SYNPO2: variants seen among roughly 807,000 people sequenced by gnomAD.
SYNPO2 encodes synaptopodin-2.
Under a neutral mutation model 85.0 loss-of-function variants are expected in SYNPO2, and 56 were observed. The ratio of observed to expected loss-of-function variants is 0.66; its 90% CI spans 0.53 to 0.82. SYNPO2 has a LOEUF of 0.82. Among genes scored for constraint, SYNPO2 ranks in the 40% least tolerant of loss-of-function variants. The pLI, the probability that SYNPO2 is intolerant of heterozygous loss-of-function variation, is 0.00. For missense variants in SYNPO2, 1,575 were observed against 1,534.2 expected (o/e 1.03, Z -0.44); for synonymous variants, 602 against 591.1 (o/e 1.02, Z -0.27).
chr4:119,008,001 C>T (rs1174868960), intron 1 of SYNPO2, among the ~76,000 whole-genome samples: 1 of 152,104 alleles, frequency 6.6e-6, no homozygotes, highest in Non-Finnish European at 1.5e-5. Context: ...GGAATACAGA[C>T]AAATAAATGA....
At chr4:118,858,370 C>T (rs114165587) in intron 1 of SYNPO2, among the ~76,000 whole-genome samples, 6,269 of 152,272 alleles carry the variant, frequency 0.041, 199 homozygotes, top group Non-Finnish European at 0.064. Flanking sequence ...ACTTTCAACA[C>T]TTTAATGCAT....
Position 119,026,829 on chromosome 4 carries a change from G to T in SYNPO2, c.460G>T (p.Gly154Cys), listed in dbSNP as rs1171497346. The stretch of plus-strand genomic sequence containing the variant: ...CCAAAGAAGTGGTCCCGACTGTGCA[G>T]GCAGCTTGAAAGAAGAAACAGGCCC... ...ENQRSGPDCA[G>C]SLKEETGPSY... Residue 154 changes from glycine (G) to cysteine (C), a missense_variant, in exon 3 of 5, where the codon GGC (glycine) becomes TGC (cysteine). By Grantham distance (159) the Gly-to-Cys change is radical. Around this residue, in one of 3 missense-constraint regions of SYNPO2, gnomAD observed 1,508 missense variants for 1,446.8 expected, o/e 1.04. Coordinates refer to ENST00000307142, the MANE Select transcript of SYNPO2 (RefSeq NM_133477.3). 2.5e-6 allele frequency: 4 copies of T among 1,613,946 alleles called. No homozygotes were observed. The highest frequency in any genetic ancestry group is 3.4e-6 in the Non-Finnish European group (4 of 1,179,988).
At chr4:118,990,146 T>C (rs1253814789) in intron 1 of SYNPO2, among the ~76,000 whole-genome samples, 1 of 152,196 alleles carries the variant, frequency 6.6e-6, no homozygotes, top group Non-Finnish European at 1.5e-5. Flanking sequence ...TTTTTTAGCC[T>C]GTTTTCTCCT....
In SYNPO2 at chr4:119,031,490, A is replaced by G. The variant is rs1454542924; in HGVS notation, c.2715A>G (p.Pro905=). The G allele has an allele frequency of 6.8e-6, 11 of 1,614,084 alleles. No individual in the cohort carries two copies. The highest frequency in any genetic ancestry group is 9.3e-6 in the Non-Finnish European group (11 of 1,180,004). ...CTGCTCGAGCTCAGTCTCCCACTCC[A>G]TCTCTCCCGGCCAGTTGGAAGTACT... ...AHAARAQSPT[P]SLPASWKYSS... Residue 905 remains proline, a synonymous_variant, in exon 4 of 5, where the codon CCA becomes CCG. Transcript: ENST00000307142.
Position 118,888,931 on chromosome 4 carries a change from G to A in SYNPO2, c.-106G>A. On this transcript the variant is annotated 5_prime_UTR_variant, in exon 1 of 5. Transcript: ENST00000307142. ...AGCGGCGGACGCTCTGCATTACCCA[G>A]TCTTGCGTCCTCGGCAGGCGCCCGA... is the stretch of plus-strand genomic sequence containing the variant. 8.7e-7 allele frequency: 1 copy of A among 1,152,822 alleles called. No homozygotes were observed. Among genetic ancestry groups the A allele is most frequent in the Non-Finnish European group, 1.3e-6 (1 of 770,658 alleles). 71.4% of individuals were successfully genotyped at this position (1,152,822 alleles called of 1,614,324 possible). A position where few individuals can be genotyped will look rare whatever the true frequency, so the allele number is the denominator to read the frequency against.
Position 119,027,195 on chromosome 4 carries a change from G to A in SYNPO2, c.826G>A (p.Ala276Thr), listed in dbSNP as rs765167432. ...RELRVIQESE[A>T]GDAGLPRVEV... ...GTTGAGAGTGATCCAGGAAAGTGAA[G>A]CAGGAGATGCGGGACTGCCCCGGGT... Residue 276 changes from alanine (A) to threonine (T), a missense_variant, in exon 3 of 5, where the codon GCA becomes ACA. Around this residue, in one of 3 missense-constraint regions of SYNPO2, gnomAD observed 1,508 missense variants for 1,446.8 expected, o/e 1.04. Coordinates refer to ENST00000307142, the MANE Select transcript of SYNPO2 (RefSeq NM_133477.3). 1 of 1,614,058 alleles carries A rather than the reference G, an allele frequency of 6.2e-7. No homozygotes were observed.
At chr4:118,906,217 T>TA (rs1553936687) in intron 1 of SYNPO2, among the ~76,000 whole-genome samples, 1 of 152,082 alleles carries the variant, frequency 6.6e-6, no homozygotes, top group Non-Finnish European at 1.5e-5. Context: ...TTGCTTTTTT[T>TA]TAAAAAAATA....
Position 118,964,069 on chromosome 4 carries a change from C to G in SYNPO2, c.106-59361C>G, listed in dbSNP as rs979678866. Among the ~76,000 whole-genome samples the G allele has an allele frequency of 2.0e-5, 3 of 152,142 alleles. No homozygotes were observed. The South Asian group carries it at 6.2e-4, about 32-fold the overall frequency. On this transcript the variant is annotated intron_variant, in intron 1 of 4. Transcript: ENST00000307142. ...CCACCCGTCAAGATTATCCACCAGGCTTTTCACTCCATTTAACCTAATTCT... is the reference window on the plus strand; with the variant it reads ...CCACCCGTCAAGATTATCCACCAGGGTTTTCACTCCATTTAACCTAATTCT...
At chr4:118,996,398 T>C (rs1318043364) in intron 1 of SYNPO2, among the ~76,000 whole-genome samples, 1 of 152,208 alleles carries the variant, frequency 6.6e-6, no homozygotes, top group East Asian at 1.9e-4. Flanking sequence ...CTTTGCCAGA[T>C]GTATAACTTG....
At chr4:119,007,945 A>G (rs1204624131) in intron 1 of SYNPO2, among the ~76,000 whole-genome samples, 2 of 152,206 alleles carry the variant, frequency 1.3e-5, no homozygotes, top group African/African-American at 4.8e-5. Flanking sequence ...AAGAATTTGT[A>G]AGGTACATTA....
chr4:118,962,415 C>A (rs963618154), intron 1 of SYNPO2, among the ~76,000 whole-genome samples: 2 of 152,008 alleles, frequency 1.3e-5, no homozygotes, highest in Admixed American at 6.6e-5. Flanking sequence ...ATAAACCTAG[C>A]GATAACGGGT....
chr4:118,959,488 C>T (rs375671586), intron 1 of SYNPO2, among the ~76,000 whole-genome samples: 23 of 152,192 alleles, frequency 1.5e-4, no homozygotes, highest in African/African-American at 2.4e-4. Context: ...GGTGATTACC[C>T]GTGGGTTTTT....
chr4:118,867,436 A>C (rs981089784), intron 1 of SYNPO2, among the ~76,000 whole-genome samples: 9 of 149,948 alleles, frequency 6.0e-5, no homozygotes, highest in Non-Finnish European at 1.3e-4. Context: ...CATTATAGAG[A>C]TAATTCCTTG....
intron 4 of SYNPO2, chr4:119,037,584 T>C: frequency 1.0e-6 from 1 of 988,624 alleles, no homozygotes; most frequent in Non-Finnish European, 1.2e-6. Context: ...CAGGATGACA[T>C]GAGTGGGGAC....
At chr4:118,871,638 A>G (rs954664653) in intron 1 of SYNPO2, among the ~76,000 whole-genome samples, 4 of 148,674 alleles carry the variant, frequency 2.7e-5, no homozygotes, top group East Asian at 3.9e-4. Context: ...GCACAATCTC[A>G]GCTTACTGCA....
At chr4:118,894,346 C>A (rs564870919) in intron 1 of SYNPO2, among the ~76,000 whole-genome samples, 201 of 152,112 alleles carry the variant, frequency 1.3e-3, no homozygotes, top group Admixed American at 4.0e-3. Flanking sequence ...CTTTCTGAAG[C>A]CAGAATGGAT....
intron 1 of SYNPO2, among the ~76,000 whole-genome samples, chr4:118,984,163 A>G (rs549660113): frequency 1.2e-4 from 18 of 152,160 alleles, no homozygotes; most frequent in Non-Finnish European, 2.2e-4. Context: ...ATATTTGGCC[A>G]TTAGCTATTT....
chr4:118,896,638 C>G (rs970824710), intron 1 of SYNPO2, among the ~76,000 whole-genome samples: 4 of 152,148 alleles, frequency 2.6e-5, no homozygotes, highest in Non-Finnish European at 4.4e-5. Flanking sequence ...AATCGTCTAT[C>G]ATTCTTTTCT....
At chr4:118,982,481 A>G (rs527769237) in intron 1 of SYNPO2, among the ~76,000 whole-genome samples, 1 of 152,260 alleles carries the variant, frequency 6.6e-6, no homozygotes, top group Admixed American at 6.5e-5. Context: ...GTCAATCCAG[A>G]TGAATGAGAG....
Sources: gnomAD v4.1 joint callset for allele counts (sites outside exome capture counted in the v4.1 genomes callset) on GRCh38, gnomAD v4.1.1 for gene constraint, gnomAD v4.1.1 regional missense constraint, MANE v1.5 for transcripts, NCBI Gene and HGNC (gene_info 2026-07-23, HGNC 2026-07-21) for gene names.